BCHE: variants seen among roughly 807,000 people sequenced by gnomAD.
The protein encoded by BCHE is cholinesterase.
Under a neutral mutation model 51.3 loss-of-function variants are expected in BCHE, and 48 were observed. That is an observed-to-expected ratio of 0.94 (90% CI 0.74 to 1.19). The LOEUF is 1.19. Ranked by LOEUF, BCHE falls within the 50% of genes most tolerant of loss-of-function variation. BCHE has a pLI of 0.00. For synonymous variants in BCHE, 251 were observed against 238.0 expected (o/e 1.05, Z -0.50); for missense variants, 847 against 708.2 (o/e 1.20, Z -2.23).
intron 2 of BCHE, among the ~76,000 whole-genome samples, chr3:165,800,342 C>G (rs547801524): frequency 2.6e-5 from 4 of 152,022 alleles, no homozygotes; most frequent in African/African-American, 9.7e-5. Flanking sequence ...CAACTTTATT[C>G]GTTACTAAAT....
chr3:165,832,526 A>G (rs894949496), intron 1 of BCHE, among the ~76,000 whole-genome samples: 2 of 152,078 alleles, frequency 1.3e-5, no homozygotes, highest in Non-Finnish European at 2.9e-5. Context: ...TCCTGACCTC[A>G]AGTGATCCAC....
At chr3:165,777,833 T>A (rs1455018049) in intron 3 of BCHE, 1 of 437,168 alleles carries the variant, frequency 2.3e-6, no homozygotes, top group Non-Finnish European at 4.7e-6. Flanking sequence ...AAAACCTTTG[T>A]GATGATCAAC....
chr3:165,831,011 A>G lies in BCHE; in HGVS notation c.23T>C (p.Ile8Thr). The change falls in exon 2 of 4, where the codon ATA (isoleucine) becomes ACA (threonine). Residue 8 changes from isoleucine (I) to threonine (T), a missense_variant. Physicochemically the swap from Ile to Thr is moderately conservative, Grantham distance 89. Transcript: ENST00000264381. Reference sequence around the variant, plus strand: ...AAACCAAAAGAGAAATCTGATGCATATGATTGTGACTTTGCTATGCATATT... The same window carrying G: ...AAACCAAAAGAGAAATCTGATGCATGTGATTGTGACTTTGCTATGCATATT... Reference protein sequence around the residue: MHSKVTIICIRFLFWFLL... With the variant: MHSKVTITCIRFLFWFLL... 6.2e-7 allele frequency: 1 copy of G among 1,612,972 alleles called. No individual in the cohort carries two copies. The highest frequency in any genetic ancestry group is 1.7e-4 in the Middle Eastern group (1 of 6,056).
At chr3:165,834,782 T>G (rs1188754892) in intron 1 of BCHE, among the ~76,000 whole-genome samples, 1 of 151,484 alleles carries the variant, frequency 6.6e-6, no homozygotes, top group Non-Finnish European at 1.5e-5. Flanking sequence ...TCGTTTTTCT[T>G]TTTTTTAATT....
chr3:165,830,399 G>A lies in BCHE; in HGVS notation c.635C>T (p.Ala212Val), dbSNP rs114706984. 6,090 of 1,613,890 alleles carry A rather than the reference G, an allele frequency of 3.8e-3. 11 individuals are homozygous for A. Among genetic ancestry groups the A allele is most frequent in the Non-Finnish European group, 4.8e-3 (5,641 of 1,179,918 alleles). The change falls in exon 2 of 4, where the codon GCC becomes GTC. Residue 212 changes from alanine to valine, a missense_variant. Ala to Val is a moderately conservative substitution (Grantham distance 64). Transcript: ENST00000264381. ...ALQWVQKNIA[A>V]FGGNPKSVTL... The stretch of plus-strand genomic sequence containing the variant: ...TACACTTTTAGGATTTCCACCAAAG[G>A]CTGCTATATTTTTTTGAACCCACTG...
At chr3:165,791,988 T>TAAAATAAAATAAAAC (rs372410356) in intron 2 of BCHE, among the ~76,000 whole-genome samples, 5,660 of 151,486 alleles carry the variant, frequency 0.037, 147 homozygotes, top group Non-Finnish European at 0.046. Context: ...TAAAATAAAA[T>TAAAATAAAATAAAAC]AAAGAGTTCA....
chr3:165,798,762 A>C (rs4680662), intron 2 of BCHE, among the ~76,000 whole-genome samples: 11 of 151,894 alleles, frequency 7.2e-5, no homozygotes, highest in Non-Finnish European at 1.6e-4. Flanking sequence ...ACTGAGTTAG[A>C]AGGATTTCTT....
intron 2 of BCHE, among the ~76,000 whole-genome samples, chr3:165,786,963 A>T (rs1323316081): frequency 6.6e-6 from 1 of 151,732 alleles, no homozygotes; most frequent in African/African-American, 2.4e-5. Flanking sequence ...TATTCTTTTT[A>T]TACACCCAGC....
chr3:165,785,971 A>G (rs926750675), intron 3 of BCHE, among the ~76,000 whole-genome samples, 174 bp downstream of exon 3: 1 of 151,320 alleles, frequency 6.6e-6, no homozygotes, highest in African/African-American at 2.4e-5. Context: ...AGTTCAAAAC[A>G]TATCTAAACT....
At chr3:165,794,230 G>A (rs1226260232) in intron 2 of BCHE, among the ~76,000 whole-genome samples, 1 of 151,972 alleles carries the variant, frequency 6.6e-6, no homozygotes, top group South Asian at 2.1e-4. Context: ...TAATCCACAA[G>A]GCAATGTCCT....
chr3:165,784,402 T>C (rs1334167055), intron 3 of BCHE, among the ~76,000 whole-genome samples: 1 of 151,940 alleles, frequency 6.6e-6, no homozygotes, highest in Admixed American at 6.6e-5. Flanking sequence ...ATAAAATATA[T>C]CTAATATGAA....
intron 3 of BCHE, among the ~76,000 whole-genome samples, chr3:165,775,869 T>C (rs1173036112): frequency 6.6e-6 from 1 of 151,988 alleles, no homozygotes; most frequent in East Asian, 1.9e-4. Flanking sequence ...AAATAAAATA[T>C]TGAGTTTGAA....
intron 3 of BCHE, among the ~76,000 whole-genome samples, chr3:165,776,993 A>C (rs2108194658): frequency 6.6e-6 from 1 of 151,976 alleles, no homozygotes; most frequent in African/African-American, 2.4e-5. Flanking sequence ...TAAAAGGACA[A>C]GGGCAAATAT....
intron 3 of BCHE, among the ~76,000 whole-genome samples, chr3:165,774,165 G>T (rs968437303): frequency 6.6e-6 from 1 of 152,048 alleles, no homozygotes; most frequent in Non-Finnish European, 1.5e-5. Context: ...TATATGTTTA[G>T]TATAGATGTA....
intron 1 of BCHE, among the ~76,000 whole-genome samples, chr3:165,833,141 G>C (rs535850597): frequency 6.6e-6 from 1 of 151,666 alleles, no homozygotes; most frequent in Admixed American, 6.6e-5. Flanking sequence ...AGTTCTGTTT[G>C]GTACAATTAG....
intron 2 of BCHE, among the ~76,000 whole-genome samples, chr3:165,802,811 G>C (rs905474672): frequency 2.0e-5 from 3 of 151,916 alleles, no homozygotes; most frequent in Admixed American, 6.6e-5. Flanking sequence ...GCGCGATCTC[G>C]GCTCACTGCA....
rs1714892848 is a variant in BCHE at position 165,830,016 on chromosome 3, A to G, written c.1018T>C (p.Phe340Leu). ...MPDILLELGQFKKTQILVGVN... is the reference protein window; with the variant it reads ...MPDILLELGQLKKTQILVGVN... ...CCCACCAAAATCTGGGTTTTTTTAAATTGTCCAAGTTCAAGTAATATGTCT... is the reference window on the plus strand; with the variant it reads ...CCCACCAAAATCTGGGTTTTTTTAAGTTGTCCAAGTTCAAGTAATATGTCT... The change falls in exon 2 of 4, where the codon TTT (phenylalanine) becomes CTT (leucine). Residue 340 changes from phenylalanine (F) to leucine (L), a missense_variant. Transcript: ENST00000264381. 6.2e-7 allele frequency: 1 copy of G among 1,613,658 alleles called. No individual in the cohort carries two copies. The highest frequency in any genetic ancestry group is 8.5e-7 in the Non-Finnish European group (1 of 1,179,902).
chr3:165,820,112 GT>G (rs1364504548), intron 2 of BCHE, among the ~76,000 whole-genome samples: 3 of 152,142 alleles, frequency 2.0e-5, no homozygotes, highest in East Asian at 1.9e-4. Context: ...GAGTGCATTA[GT>G]TTTTTTCTGC....
chr3:165,805,617 G>A (rs1230881237), intron 2 of BCHE, among the ~76,000 whole-genome samples: 1 of 152,126 alleles, frequency 6.6e-6, no homozygotes, highest in Non-Finnish European at 1.5e-5. Context: ...TAAGATCTGA[G>A]ATACAGCACA....
Sources: gnomAD v4.1 joint callset for allele counts (sites outside exome capture counted in the v4.1 genomes callset) on GRCh38, gnomAD v4.1.1 for gene constraint, MANE v1.5 for transcripts, NCBI Gene and HGNC (gene_info 2026-07-23, HGNC 2026-07-21) for gene names.